TP53BP2: variants seen among roughly 807,000 people sequenced by gnomAD.
TP53BP2 encodes the protein apoptosis-stimulating of p53 protein 2.
TP53BP2 carries 62 observed loss-of-function variants against 126.2 expected under a neutral mutation model. The ratio of observed to expected loss-of-function variants is 0.49; its 90% CI spans 0.40 to 0.61. The LOEUF is 0.61. TP53BP2 is among the 20% of genes least tolerant of loss of function. TP53BP2 has a pLI of 0.00. For synonymous variants in TP53BP2, 485 were observed against 502.9 expected, an observed-to-expected ratio of 0.96 and a Z score of 0.48; for missense variants, 1,215 against 1,402.8, an observed-to-expected ratio of 0.87 and a Z score of 2.14.
intron 10 of TP53BP2, 144 bp from the exon 11 acceptor site, chr1:223,800,191 T>C (rs1361743862): frequency 8.5e-6 from 7 of 822,114 alleles, no homozygotes; most frequent in Non-Finnish European, 1.3e-5. Flanking sequence ...AATAAAAGGA[T>C]AACCCAAGCA....
chr1:223,784,202 G>A lies in TP53BP2; in HGVS notation c.3276C>T (p.Ile1092=). Reference sequence around the variant, plus strand: ...TTTCATCTTCGTCTTCCCTGTGGATGATTGTCATGCAGTCTCCTTCTTTCA... The same window carrying A: ...TTTCATCTTCGTCTTCCCTGTGGATAATTGTCATGCAGTCTCCTTCTTTCA... ...LPMKEGDCMT[I]IHREDEDEIE... is the part of the protein sequence containing the mutation. Residue 1092 remains isoleucine (I), a synonymous_variant, in exon 17 of 18, where the codon ATC becomes ATT. Transcript: ENST00000343537. 3 of 1,614,152 alleles carry A rather than the reference G, an allele frequency of 1.9e-6. No homozygotes were observed. The highest frequency in any genetic ancestry group is 1.6e-4 in the Middle Eastern group (1 of 6,062).
chr1:223,832,452 A>C (rs1022419875), intron 1 of TP53BP2, among the ~76,000 whole-genome samples: 1 of 152,150 alleles, frequency 6.6e-6, no homozygotes, highest in Admixed American at 6.5e-5. Flanking sequence ...CTATTACTTC[A>C]GTTTCTATAT....
rs1349151373 is a variant in TP53BP2, at chr1:223,796,510, G to T, written c.2029C>A (p.Pro677Thr). 6.2e-6 allele frequency: 10 copies of T among 1,614,060 alleles called. No individual in the cohort carries two copies. The highest frequency in any genetic ancestry group is 7.6e-6 in the Non-Finnish European group (9 of 1,180,014). Residue 677 changes from proline (P) to threonine (T), a missense_variant, in exon 13 of 18, where the codon CCT (proline) becomes ACT (threonine). By Grantham distance (38) the Pro-to-Thr change is conservative. Around this residue, in one of 4 missense-constraint regions of TP53BP2, gnomAD observed 814 missense variants for 853.0 expected, o/e 0.95. Coordinates refer to ENST00000343537, the MANE Select transcript of TP53BP2 (RefSeq NM_001031685.3). This position sits in a 1 kb window ranked among gnomAD's most constrained non-coding sequence, Gnocchi z 4.2. ...ENIYSNSQGK[P>T]GSPEPETEPV... Reference sequence around the variant, plus strand: ...TCTGTTTCAGGTTCTGGACTGCCAGGCTTGCCCTGGCTATTGGAATAAATG... The same window carrying T: ...TCTGTTTCAGGTTCTGGACTGCCAGTCTTGCCCTGGCTATTGGAATAAATG...
intron 2 of TP53BP2, among the ~76,000 whole-genome samples, chr1:223,820,433 C>A (rs1203236083): frequency 6.6e-6 from 1 of 152,116 alleles, no homozygotes. Context: ...TAATCTGGTT[C>A]CTATGTAAAC....
intron 15 of TP53BP2, among the ~76,000 whole-genome samples, chr1:223,789,849 A>C (rs913600491): frequency 3.3e-5 from 5 of 152,196 alleles, no homozygotes; most frequent in African/African-American, 1.2e-4. Context: ...CCCTAGAGTA[A>C]TGGTAAAGGT....
intron 17 of TP53BP2, 22 bp from the exon 18 acceptor site, chr1:223,780,916 T>G (rs1038798851): frequency 3.1e-6 from 5 of 1,608,846 alleles, no homozygotes; most frequent in Non-Finnish European, 4.3e-6. Flanking sequence ...TTTAAAAAAT[T>G]TTACATACTA....
chr1:223,805,255 A>C (rs1418289161), intron 5 of TP53BP2, among the ~76,000 whole-genome samples: 2 of 143,940 alleles, frequency 1.4e-5, no homozygotes, highest in African/African-American at 2.8e-5. Context: ...AACCCATCTC[A>C]AAAGAAAAAA....
rs765016756 is a variant in TP53BP2, at chr1:223,798,492, C to G, written c.1671G>C (p.Pro557=). Residue 557 remains proline (P), a synonymous_variant, in exon 12 of 18, where the codon CCG becomes CCC. Coordinates refer to ENST00000343537, the MANE Select transcript of TP53BP2 (RefSeq NM_001031685.3). ...GTKPKPAGQQ[P]RVLLSPSIPS... ...GTATGCTGGGAGATAGCAGCACTCTCGGCTGCTGCCCTGCTGGTTTTGGTT... is the reference window on the plus strand; with the variant it reads ...GTATGCTGGGAGATAGCAGCACTCTGGGCTGCTGCCCTGCTGGTTTTGGTT... The G allele has an allele frequency of 6.2e-7, 1 of 1,614,172 alleles. No individual in the cohort carries two copies. Among genetic ancestry groups the G allele is most frequent in the South Asian group, 1.1e-5 (1 of 91,086 alleles).
intron 4 of TP53BP2, among the ~76,000 whole-genome samples, chr1:223,810,077 C>T (rs1290881798): frequency 1.3e-5 from 2 of 152,200 alleles, no homozygotes; most frequent in African/African-American, 2.4e-5. Flanking sequence ...TCACCCACCT[C>T]AGCCTCCCAA....
At chr1:223,839,727 C>T (rs1027369777) in intron 1 of TP53BP2, among the ~76,000 whole-genome samples, 5 of 152,192 alleles carry the variant, frequency 3.3e-5, no homozygotes, top group South Asian at 4.2e-4. Flanking sequence ...GTCAGGAGCT[C>T]GAGACCAGCC....
At chr1:223,794,698 T>C (rs1022273381) in intron 13 of TP53BP2, among the ~76,000 whole-genome samples, 1 of 152,270 alleles carries the variant, frequency 6.6e-6, no homozygotes, top group Non-Finnish European at 1.5e-5. Flanking sequence ...TCTTTTCTTA[T>C]GTTTAAAACT....
At chr1:223,817,617 T>C (rs1347531519) in intron 2 of TP53BP2, among the ~76,000 whole-genome samples, 2 of 152,122 alleles carry the variant, frequency 1.3e-5, no homozygotes. Context: ...AGTTTATGCA[T>C]ACTGGGGGAA....
At chr1:223,821,461 G>T in intron 1 of TP53BP2, 94 bp from the exon 2 acceptor site, 1 of 1,529,104 alleles carries the variant, frequency 6.5e-7, no homozygotes, top group Non-Finnish European at 9.0e-7. Context: ...ATCTCAGTTG[G>T]AAGTGCAAAC....
intron 17 of TP53BP2, among the ~76,000 whole-genome samples, chr1:223,781,960 A>G (rs566787067): frequency 7.9e-5 from 12 of 152,230 alleles, no homozygotes; most frequent in Non-Finnish European, 1.8e-4. Flanking sequence ...AGCGCCACAC[A>G]CACGAGAGAA....
At chr1:223,811,107 T>C (rs893659880) in intron 3 of TP53BP2, among the ~76,000 whole-genome samples, 1 of 152,166 alleles carries the variant, frequency 6.6e-6, no homozygotes, top group Non-Finnish European at 1.5e-5. Context: ...GTGAAGGTAC[T>C]ATCCAGAAAC....
chr1:223,831,476 A>T (rs868602420), intron 1 of TP53BP2, among the ~76,000 whole-genome samples: 39 of 50,176 alleles, frequency 7.8e-4, no homozygotes, highest in South Asian at 2.2e-3. Context: ...TAAAAAAAAA[A>T]AAAAATATAT....
chr1:223,816,763 C>A (rs1663099364), intron 2 of TP53BP2, among the ~76,000 whole-genome samples: 1 of 151,822 alleles, frequency 6.6e-6, no homozygotes, highest in Non-Finnish European at 1.5e-5. Context: ...AATGTGTGAA[C>A]CTTTATGTTA....
At chr1:223,804,655 T>C (rs936234873) in intron 5 of TP53BP2, among the ~76,000 whole-genome samples, 2 of 152,198 alleles carry the variant, frequency 1.3e-5, no homozygotes, top group Non-Finnish European at 2.9e-5. Flanking sequence ...TTGCAACAAT[T>C]TTAAAAAGCA....
At chr1:223,839,497 G>A (rs1664034786) in intron 1 of TP53BP2, among the ~76,000 whole-genome samples, 2 of 152,172 alleles carry the variant, frequency 1.3e-5, no homozygotes, top group South Asian at 4.1e-4. Context: ...ATTACCACAA[G>A]TAGTTTAAAC....
Sources: allele counts gnomAD v4.1 joint callset (sites outside exome capture counted in the v4.1 genomes callset), GRCh38; gene constraint gnomAD v4.1.1; regional missense constraint gnomAD v4.1.1; non-coding constraint Gnocchi (gnomAD v3.1); transcripts MANE v1.5; gene names NCBI Gene and HGNC (gene_info 2026-07-23, HGNC 2026-07-21).